PURG: variants seen among roughly 807,000 people sequenced by gnomAD.
PURG encodes purine-rich element-binding protein gamma.
In PURG, 3 loss-of-function variants were observed where a neutral mutation model predicts 24.3. The observed-to-expected ratio is 0.12, with a 90% CI of 0.06 to 0.32. The LOEUF (loss-of-function observed/expected upper bound fraction) is 0.32. PURG is among the 10% of genes least tolerant of loss of function. The pLI is 1.00. For synonymous variants in PURG, 180 were observed against 173.1 expected (o/e 1.04, Z -0.31); for missense variants, 371 against 439.1 (o/e 0.84, Z 1.39).
downstream of PURG, among the ~76,000 whole-genome samples, chr8:31,030,189 T>C (rs1273261243): frequency 2.0e-5 from 3 of 152,002 alleles, no homozygotes; most frequent in African/African-American, 7.2e-5. Context: ...AATTTTAAAT[T>C]ACTTTTAGCA....
At chr8:31,010,717 T>C (rs181682705) in intron 1 of PURG, among the ~76,000 whole-genome samples, 4 of 152,296 alleles carry the variant, frequency 2.6e-5, no homozygotes, top group Admixed American at 2.6e-4. Context: ...TTGGTTTTCT[T>C]CATCTGTTAA....
downstream of PURG, among the ~76,000 whole-genome samples, chr8:31,029,730 C>T (rs1045051440): frequency 6.6e-6 from 1 of 151,884 alleles, no homozygotes; most frequent in Non-Finnish European, 1.5e-5. Context: ...TTAATAGGCA[C>T]TATGATGGGC....
At chr8:30,996,552 G>A (rs368796907) in exon 2 of PURG, 27 of 1,431,354 alleles carry the variant, frequency 1.9e-5, no homozygotes, top group Admixed American at 5.5e-5. Flanking sequence ...TTCTTTCACC[G>A]AATGCCTTTA....
intron 1 of PURG, among the ~76,000 whole-genome samples, chr8:31,013,235 T>C (rs1269930852): frequency 6.6e-6 from 1 of 152,186 alleles, no homozygotes; most frequent in Non-Finnish European, 1.5e-5. Context: ...CCAAATCACA[T>C]AGTTACCTAG....
In PURG at chr8:31,031,491, C is replaced by CT. The variant is rs1159725401; in HGVS notation, c.*247dup. ...GTCACATTTTGTGCTGATTTGCATA[C>CT]TTCAATAGTCTGGAGCAGTTGAAGC... On this transcript the variant is annotated 3_prime_UTR_variant, in exon 2 of 2. Coordinates refer to ENST00000523392, the MANE Select transcript of PURG (RefSeq NM_001323311.2). 3 of 494,916 alleles carry CT rather than the reference C, an allele frequency of 6.1e-6. No homozygotes were observed. The highest frequency in any genetic ancestry group is 1.1e-5 in the Non-Finnish European group (3 of 280,048). The allele number at this position is 494,916 out of a possible 1,614,324, so 30.7% of individuals were successfully genotyped here.
intron 1 of PURG, among the ~76,000 whole-genome samples, chr8:31,017,270 C>T (rs938241060): frequency 1.3e-5 from 2 of 152,120 alleles, no homozygotes; most frequent in African/African-American, 4.8e-5. Context: ...TTTACCACTA[C>T]TTCTCCAGGG....
chr8:31,003,991 A>C (rs1810593817), intron 1 of PURG, among the ~76,000 whole-genome samples: 1 of 152,176 alleles, frequency 6.6e-6, no homozygotes, highest in African/African-American at 2.4e-5. Flanking sequence ...TGGTAACTAT[A>C]GAATTTTCTT....
intron 1 of PURG, among the ~76,000 whole-genome samples, chr8:31,023,730 G>A (rs1811043596): frequency 6.6e-6 from 1 of 152,014 alleles, no homozygotes; most frequent in Non-Finnish European, 1.5e-5. Context: ...CTCTAAAACA[G>A]AACCATACAG....
exon 2 of PURG, chr8:30,996,237 C>A: frequency 6.1e-6 from 1 of 162,820 alleles, no homozygotes; most frequent in Admixed American, 5.9e-5. Flanking sequence ...TTGAAATTAT[C>A]CCTCCCCCCT....
At position 31,025,099 on chromosome 8, in the gene PURG, T is replaced by G. The variant is rs373644378; in HGVS notation, c.864+6820A>C. 5.3e-4 allele frequency among the ~76,000 whole-genome samples: 81 copies of G among 152,188 alleles called. 1 individual carries two copies. The highest frequency in any genetic ancestry group is 1.9e-3 in the African/African-American group (79 of 41,558). ...TCACTATAGCAGCACTAATTCATTA[T>G]GTTTTTATTTACTGGTGGATGTCAC... On this transcript the variant is annotated intron_variant, in intron 1 of 1. Transcript: ENST00000339382.
At chr8:30,996,479 C>T (rs1810429735) in exon 2 of PURG, 2 of 683,846 alleles carry the variant, frequency 2.9e-6, no homozygotes, top group African/African-American at 1.8e-5. Flanking sequence ...TGATACTTGT[C>T]TTCCCTTCCG....
At chr8:31,001,695 A>G (rs1271854604) in intron 1 of PURG, among the ~76,000 whole-genome samples, 1 of 152,228 alleles carries the variant, frequency 6.6e-6, no homozygotes, top group East Asian at 1.9e-4. Flanking sequence ...GAACTTCACT[A>G]TAACACTCTC....
At chr8:31,015,350 C>T (rs1362735441) in intron 1 of PURG, among the ~76,000 whole-genome samples, 1 of 151,872 alleles carries the variant, frequency 6.6e-6, no homozygotes, top group Admixed American at 6.6e-5. Context: ...CAATTGAAAA[C>T]AAACACACAA....
intron 1 of PURG, among the ~76,000 whole-genome samples, chr8:31,006,759 C>T (rs1810660237): frequency 2.0e-5 from 3 of 152,142 alleles, no homozygotes; most frequent in Admixed American, 1.3e-4. Flanking sequence ...CAATGCTGGG[C>T]CTATGGGAGG....
chr8:30,999,906 G>A (rs932106735), intron 1 of PURG, among the ~76,000 whole-genome samples: 7 of 151,792 alleles, frequency 4.6e-5, no homozygotes, highest in Non-Finnish European at 7.4e-5. Flanking sequence ...ACATCGTGAC[G>A]GTTTGTTTAG....
intron 1 of PURG, among the ~76,000 whole-genome samples, chr8:31,000,296 C>T (rs1253319575): frequency 6.6e-6 from 1 of 152,082 alleles, no homozygotes; most frequent in African/African-American, 2.4e-5. Context: ...TAATATGCAA[C>T]TCTGTGGAGG....
chr8:31,001,288 C>A (rs1280338089), intron 1 of PURG, among the ~76,000 whole-genome samples: 1 of 152,186 alleles, frequency 6.6e-6, no homozygotes, highest in East Asian at 1.9e-4. Flanking sequence ...ACTGAACATA[C>A]CTATGAGAAT....
intron 1 of PURG, among the ~76,000 whole-genome samples, chr8:31,004,731 G>A (rs1325770607): frequency 1.3e-5 from 2 of 152,194 alleles, no homozygotes; most frequent in Admixed American, 6.5e-5. Flanking sequence ...ACTAGTTTCT[G>A]AAGTCAAAGC....
chr8:31,015,075 T>C (rs1288082108), intron 1 of PURG, among the ~76,000 whole-genome samples: 7 of 152,214 alleles, frequency 4.6e-5, no homozygotes, highest in African/African-American at 1.7e-4. Context: ...AAACCCATTA[T>C]GGATGGGAGA....
Sources: gnomAD v4.1 joint callset for allele counts (sites outside exome capture counted in the v4.1 genomes callset) on GRCh38, gnomAD v4.1.1 for gene constraint, MANE v1.5 for transcripts, NCBI Gene and HGNC (gene_info 2026-07-23, HGNC 2026-07-21) for gene names.